The following ANKFN1 variants were observed in gnomAD, a reference collection of about 807,000 sequenced individuals.
ANKFN1 encodes the protein ankyrin repeat and fibronectin type-III domain-containing protein 1.
ANKFN1 carries 74 observed loss-of-function variants against 108.7 expected under a neutral mutation model. The ratio of observed to expected loss-of-function variants is 0.68; its 90% CI spans 0.56 to 0.83. The LOEUF is 0.83. ANKFN1 is among the 40% of genes least tolerant of loss of function. The pLI is 0.00. For missense variants in ANKFN1, 1,505 were observed against 1,382.3 expected, an observed-to-expected ratio of 1.09 and a Z score of -1.41; for synonymous variants, 547 against 516.2, an observed-to-expected ratio of 1.06 and a Z score of -0.81.
At chr17:56,351,080 A>G (rs1173428117) in intron 5 of ANKFN1, 113 bp downstream of exon 5, 1 of 1,037,270 alleles carries the variant, frequency 9.6e-7, no homozygotes, top group Non-Finnish European at 1.4e-6. Context: ...TTGCAATTTT[A>G]TAAATGCTGG....
intron 8 of ANKFN1, among the ~76,000 whole-genome samples, chr17:56,386,253 T>C (rs897335034): frequency 6.6e-6 from 1 of 150,872 alleles, no homozygotes; most frequent in Admixed American, 6.6e-5. Flanking sequence ...TTCTCACTCA[T>C]AGGTGGGAAT....
rs956922211 is a variant in ANKFN1, at chr17:56,411,836, T to C, written c.911-28491T>C. On this transcript the variant is annotated intron_variant, in intron 8 of 20. Coordinates refer to ENST00000682825, the MANE Select transcript of ANKFN1 (RefSeq NM_001370326.1). ...AATCCCTTCATACCCCTGGAATGAA[T>C]CCCACTTCATCATGGTAAATTATAT... Among the ~76,000 whole-genome samples, 5 of 152,296 alleles carry C rather than the reference T, an allele frequency of 3.3e-5. No homozygotes were observed. The East Asian group carries it at 9.6e-4, about 29-fold the overall frequency.
chr17:56,455,928 G>A (rs1200305933), intron 11 of ANKFN1, among the ~76,000 whole-genome samples: 1 of 152,116 alleles, frequency 6.6e-6, no homozygotes, highest in Non-Finnish European at 1.5e-5. Context: ...TCTGAATAAT[G>A]AGGATGATAA....
chr17:56,509,257 C>A (rs1418676871), intron 20 of ANKFN1, among the ~76,000 whole-genome samples: 3 of 152,164 alleles, frequency 2.0e-5, no homozygotes, highest in Non-Finnish European at 2.9e-5. Context: ...TACTTTCTCT[C>A]TTGTGTGAAA....
chr17:56,407,867 T>C (rs2047967623), intron 8 of ANKFN1, among the ~76,000 whole-genome samples: 1 of 151,788 alleles, frequency 6.6e-6, no homozygotes, highest in African/African-American at 2.4e-5. Flanking sequence ...CTGTTTTCAA[T>C]ATAAACTTTC....
At chr17:56,413,969 C>CA (rs1377194142) in intron 8 of ANKFN1, among the ~76,000 whole-genome samples, 2 of 152,250 alleles carry the variant, frequency 1.3e-5, no homozygotes, top group African/African-American at 2.4e-5. Flanking sequence ...TAAGCCACTG[C>CA]ATCCAGCCAT....
intron 4 of ANKFN1, among the ~76,000 whole-genome samples, chr17:56,108,371 C>A (rs932327370): frequency 8.5e-5 from 13 of 152,178 alleles, no homozygotes; most frequent in Admixed American, 8.5e-4. Context: ...CACGTTGAGT[C>A]ATCTTAGATG....
rs1204143032 is a variant in ANKFN1, at chr17:56,457,810, C to G, written c.1441-53C>G. ...CCCTGCTTTGCTTTGATGCCACAACCTAAATCATGTACTGGCTTGGACGAT... is the reference window on the plus strand; with the variant it reads ...CCCTGCTTTGCTTTGATGCCACAACGTAAATCATGTACTGGCTTGGACGAT... On this transcript the variant is annotated intron_variant, in intron 13 of 20. Transcript: ENST00000682825. 1.2e-5 allele frequency: 17 copies of G among 1,390,344 alleles called. No individual in the cohort carries two copies. The Admixed American group carries it at 2.7e-4, about 22-fold the overall frequency. 86.1% of individuals were successfully genotyped at this position (1,390,344 alleles called of 1,614,324 possible). A position where few individuals can be genotyped will look rare whatever the true frequency, so the allele number is the denominator to read the frequency against.
At chr17:56,451,960 AT>A (rs1238286193) in intron 11 of ANKFN1, among the ~76,000 whole-genome samples, 1 of 152,230 alleles carries the variant, frequency 6.6e-6, no homozygotes, top group Non-Finnish European at 1.5e-5. Context: ...TAATTTCTGC[AT>A]TTTGGCTAAA....
chr17:56,438,628 C>T (rs2049000209), intron 8 of ANKFN1, among the ~76,000 whole-genome samples: 2 of 152,224 alleles, frequency 1.3e-5, no homozygotes, highest in South Asian at 4.1e-4. Context: ...GGTACAATCA[C>T]AACTCACTGC....
At chr17:56,470,645 G>A (rs1002985219) in intron 15 of ANKFN1, among the ~76,000 whole-genome samples, 5 of 152,042 alleles carry the variant, frequency 3.3e-5, no homozygotes, top group Admixed American at 2.6e-4. Flanking sequence ...TATGATCCAC[G>A]ACGGGGTTTT....
chr17:56,355,855 T>C (rs2046362078), intron 6 of ANKFN1, among the ~76,000 whole-genome samples: 1 of 152,124 alleles, frequency 6.6e-6, no homozygotes, highest in South Asian at 2.1e-4. Context: ...TTTTAACATA[T>C]GCACAGAGTT....
At chr17:56,334,489 T>C (rs1268868280) in intron 4 of ANKFN1, among the ~76,000 whole-genome samples, 1 of 152,154 alleles carries the variant, frequency 6.6e-6, no homozygotes, top group African/African-American at 2.4e-5. Context: ...TTATGTTAAT[T>C]ATACCTCAAA....
Position 56,510,899 on chromosome 17 carries a change from C to T in ANKFN1, c.3071C>T (p.Thr1024Ile), listed in dbSNP as rs1296504222. The change falls in exon 21 of 21, where the codon ACC becomes ATC. Residue 1024 changes from threonine (T) to isoleucine (I), a missense_variant. Thr to Ile is a moderately conservative substitution (Grantham distance 89). Coordinates refer to ENST00000682825, the MANE Select transcript of ANKFN1 (RefSeq NM_001370326.1). ...CGCTGGTTGCGCATCCACAGCGAGA[C>T]CCAGTCGCTATCGCTCTCTGAGGGC... Reference protein sequence around the residue: ...HHRWLRIHSETQSLSLSEGIY... With the variant: ...HHRWLRIHSEIQSLSLSEGIY... 1.3e-6 allele frequency: 2 copies of T among 1,536,066 alleles called. No homozygotes were observed. Among genetic ancestry groups the T allele is most frequent in the African/African-American group, 2.7e-5 (2 of 73,070 alleles).
Position 56,516,092 on chromosome 17 carries a change from A to G in ANKFN1, c.*4823A>G, listed in dbSNP as rs1182190763. On this transcript the variant is annotated 3_prime_UTR_variant, in exon 21 of 21. Transcript: ENST00000682825. Reference sequence around the variant, plus strand: ...GCCATGAAAGTCTGAATATACTTTCACAGTAATCACCCTCCAGTGACTGAT... The same window carrying G: ...GCCATGAAAGTCTGAATATACTTTCGCAGTAATCACCCTCCAGTGACTGAT... 5.3e-5 allele frequency among the ~76,000 whole-genome samples: 8 copies of G among 152,144 alleles called. No individual in the cohort carries two copies. The highest frequency in any genetic ancestry group is 2.9e-5 in the Non-Finnish European group (2 of 68,044).
intron 1 of ANKFN1, among the ~76,000 whole-genome samples, chr17:56,191,984 C>T (rs1026339157): frequency 2.0e-5 from 3 of 152,006 alleles, no homozygotes; most frequent in East Asian, 3.9e-4. Flanking sequence ...TTGCTGATAC[C>T]CTTTCTTCCA....
chr17:56,161,734 T>TA (rs1020936673), intron 1 of ANKFN1, among the ~76,000 whole-genome samples: 4 of 151,612 alleles, frequency 2.6e-5, no homozygotes, highest in Non-Finnish European at 4.4e-5. Flanking sequence ...GATTTTACAT[T>TA]AAAAAAAATT....
upstream of ANKFN1, among the ~76,000 whole-genome samples, chr17:56,152,410 G>C (rs1908711682): frequency 6.6e-6 from 1 of 151,700 alleles, no homozygotes. Context: ...TCATTTACTT[G>C]TCTTTTTTTT....
At chr17:56,123,839 CAGAGAGAGAG>C (rs72419531) in intron 4 of ANKFN1, among the ~76,000 whole-genome samples, 2 of 142,448 alleles carry the variant, frequency 1.4e-5, no homozygotes, top group Non-Finnish European at 1.5e-5. Context: ...GAGAGAGACA[CAGAGAGAGAG>C]AGAGAGAGAG....
Sources: allele counts gnomAD v4.1 joint callset (sites outside exome capture counted in the v4.1 genomes callset), GRCh38; gene constraint gnomAD v4.1.1; transcripts MANE v1.5; gene names NCBI Gene and HGNC (gene_info 2026-07-23, HGNC 2026-07-21).